Variants in INTS6L observed in about 807,000 individuals in gnomAD.
INTS6L encodes the protein integrator complex subunit 6-like.
In INTS6L, 18 loss-of-function variants were observed where a neutral mutation model predicts 64.7. That is an observed-to-expected ratio of 0.28 (90% CI 0.19 to 0.41). The LOEUF (loss-of-function observed/expected upper bound fraction) is 0.41. Among genes scored for constraint, INTS6L ranks in the 10% least tolerant of loss-of-function variants. INTS6L has a pLI of 1.00. For missense variants in INTS6L, 533 were observed against 661.0 expected (o/e 0.81, Z 2.12); for synonymous variants, 227 against 235.9 (o/e 0.96, Z 0.34).
intron 2 of INTS6L, among the ~76,000 whole-genome samples, chrX:135,541,802 A>T (rs2086226016): frequency 8.9e-6 from 1 of 112,457 alleles, no homozygotes; most frequent in South Asian, 3.7e-4. Context: ...TTTAAAAGAA[A>T]AACCCATATT....
chrX:135,576,327 CAAAAAA>C (rs34207940), intron 14 of INTS6L, among the ~76,000 whole-genome samples: 1 of 69,402 alleles, frequency 1.4e-5, no homozygotes, highest in Non-Finnish European at 2.6e-5. Flanking sequence ...GACTCCATCT[CAAAAAA>C]AAAAAAAAAA....
chrX:135,558,192 G>A (rs1556520269), intron 9 of INTS6L, among the ~76,000 whole-genome samples: 1 of 111,851 alleles, frequency 8.9e-6, no homozygotes, highest in Non-Finnish European at 1.9e-5. Flanking sequence ...GAATTCTTGT[G>A]CACTCTTAGG....
intron 15 of INTS6L, among the ~76,000 whole-genome samples, chrX:135,579,480 C>T (rs782755342): frequency 8.9e-6 from 1 of 111,924 alleles, no homozygotes; most frequent in South Asian, 3.8e-4. Flanking sequence ...TAAAGTGAGA[C>T]TTGCTGTTTT....
chrX:135,581,905 A>G lies in INTS6L; in HGVS notation c.*269A>G, dbSNP rs189184499. On this transcript the variant is annotated 3_prime_UTR_variant, in exon 18 of 18. Transcript: ENST00000639893. ...TCACAGGCTAAATTCGGTAAACACC[A>G]CTGCCCCTACCACGGGTAATGAGAG... The G allele has an allele frequency of 3.9e-6, 1 of 255,028 alleles. No homozygotes were observed. The highest frequency in any genetic ancestry group is 6.8e-6 in the Non-Finnish European group (1 of 146,435). 21.0% of individuals were successfully genotyped at this position (255,028 alleles called of 1,213,427 possible).
chrX:135,574,084 T>C (rs782631210), intron 13 of INTS6L, 22 bp downstream of exon 13: 1 of 660,208 alleles, frequency 1.5e-6, no homozygotes, highest in Non-Finnish European at 2.1e-6. Flanking sequence ...GTGAAATACT[T>C]TTTTTTTTTT....
intron 2 of INTS6L, among the ~76,000 whole-genome samples, chrX:135,531,757 G>A (rs1313855348): frequency 2.7e-5 from 3 of 111,484 alleles, no homozygotes; most frequent in African/African-American, 9.8e-5. Context: ...TCTGTTCCAC[G>A]TGTCGGTAAA....
At chrX:135,552,821 T>C (rs1223956895) in intron 8 of INTS6L, among the ~76,000 whole-genome samples, 5 of 112,395 alleles carry the variant, frequency 4.4e-5, no homozygotes, top group Admixed American at 9.4e-5. Context: ...AACAAAAATG[T>C]CCTACACTGT....
rs1272260307 is a variant in INTS6L, at chrX:135,520,903, T to C, written c.-90T>C. The C allele has an allele frequency of 9.3e-6, 9 of 971,577 alleles. No homozygotes were observed. The African/African-American group carries it at 1.5e-4, about 16-fold the overall frequency. 80.1% of individuals were successfully genotyped at this position (971,577 alleles called of 1,213,427 possible). A position where few individuals can be genotyped will look rare whatever the true frequency, so the allele number is the denominator to read the frequency against. ...CCTCTTGCTCCTTGCTCCCCGGCTC[T>C]GCGAGAGTTGAGGGTTCAGGTGGCC... On this transcript the variant is annotated 5_prime_UTR_variant, in exon 1 of 18. Coordinates refer to ENST00000639893, the MANE Select transcript of INTS6L (RefSeq NM_001351601.3).
chrX:135,575,028 G>T lies in INTS6L; in HGVS notation c.1742-56G>T, dbSNP rs782420162. 4.3e-6 allele frequency: 5 copies of T among 1,171,268 alleles called. No individual in the cohort carries two copies. In the East Asian group the frequency reaches 1.5e-4, roughly 35 times the overall value. On this transcript the variant is annotated intron_variant, in intron 13 of 17. Coordinates refer to ENST00000639893, the MANE Select transcript of INTS6L (RefSeq NM_001351601.3). ...AACCAAACTATGATCATGTCTTCTC[G>T]AAAGGACCATACGCTTCAGCTATAA...
At chrX:135,522,673 G>C (rs150648729) in intron 2 of INTS6L, among the ~76,000 whole-genome samples, 311 of 112,039 alleles carry the variant, frequency 2.8e-3, no homozygotes, top group African/African-American at 9.6e-3. Context: ...AACCTACCAA[G>C]CTGAATAGTT....
chrX:135,549,218 A>G (rs1510594), intron 6 of INTS6L, among the ~76,000 whole-genome samples: 9,596 of 112,028 alleles, frequency 0.086, 665 homozygotes, highest in African/African-American at 0.23. Flanking sequence ...TTTATGATCT[A>G]TTTTTATCAG....
Position 135,579,872 on chromosome X carries a change from C to A in INTS6L, c.2204C>A (p.Pro735Gln). Reference sequence around the variant, plus strand: ...GATGGCTTCCTGTCAAAATCTGCTCCATCAGAGCTTATAAATATGACAGGA... The same window carrying A: ...GATGGCTTCCTGTCAAAATCTGCTCAATCAGAGCTTATAAATATGACAGGA... ...TPDGFLSKSA[P>Q]SELINMTGDL... Residue 735 changes from proline to glutamine, a missense_variant, in exon 16 of 18, where the codon CCA (proline) becomes CAA (glutamine). Pro to Gln is a moderately conservative substitution (Grantham distance 76). Transcript: ENST00000639893. 2 of 1,211,326 alleles carry A rather than the reference C, an allele frequency of 1.7e-6. No homozygotes were observed. The highest frequency in any genetic ancestry group is 2.2e-6 in the Non-Finnish European group (2 of 895,274).
intron 2 of INTS6L, among the ~76,000 whole-genome samples, chrX:135,528,922 T>C (rs2085827489): frequency 1.2e-5 from 1 of 83,805 alleles, no homozygotes; most frequent in African/African-American, 4.8e-5. Flanking sequence ...AAGGTTATCA[T>C]ACAGTTCAGA....
intron 8 of INTS6L, 128 bp downstream of exon 8, chrX:135,552,274 C>A: frequency 1.3e-6 from 1 of 762,019 alleles, no homozygotes; most frequent in Non-Finnish European, 1.8e-6. Flanking sequence ...CTCATGAATG[C>A]TGTCAAATAA....
At chrX:135,551,446 A>T (rs982842818) in intron 7 of INTS6L, among the ~76,000 whole-genome samples, 1 of 112,285 alleles carries the variant, frequency 8.9e-6, no homozygotes, top group Non-Finnish European at 1.9e-5. Context: ...GCAAAAATCC[A>T]TCTGGGCCCT....
In INTS6L at chrX:135,521,051, T is replaced by G; in HGVS notation, c.59T>G (p.Leu20Arg). Residue 20 changes from leucine (L) to arginine (R), a missense_variant, in exon 1 of 18, where the codon CTG (leucine) becomes CGG (arginine). By Grantham distance (102) the Leu-to-Arg change is moderately radical. Transcript: ENST00000639893. ...TSASMNQRTD[L>R]GTSYLDIAKG... is the part of the protein sequence containing the mutation. ...GCCTCTATGAACCAGCGCACTGACC[T>G]GGGCACCTCTTATTTGGACATTGCC... 1 of 1,211,414 alleles carries G rather than the reference T, an allele frequency of 8.3e-7. No individual in the cohort carries two copies. Among genetic ancestry groups the G allele is most frequent in the East Asian group, 3.0e-5 (1 of 33,796 alleles).
At position 135,581,686 on chromosome X, in the gene INTS6L, G is replaced by T; in HGVS notation, c.*50G>T. The T allele has an allele frequency of 9.4e-7, 1 of 1,058,797 alleles. No homozygotes were observed. The highest frequency in any genetic ancestry group is 2.0e-5 in the South Asian group (1 of 50,689). 87.3% of individuals were successfully genotyped at this position (1,058,797 alleles called of 1,213,427 possible). On this transcript the variant is annotated 3_prime_UTR_variant, in exon 18 of 18. Transcript: ENST00000639893. The stretch of plus-strand genomic sequence containing the variant: ...GACAAGTTTTCTGTGCTGTAGGATG[G>T]AACAGGATATTGTTGAAGCCTCCTG...
intron 9 of INTS6L, among the ~76,000 whole-genome samples, chrX:135,556,801 T>C (rs2086657493): frequency 8.9e-6 from 1 of 112,090 alleles, no homozygotes; most frequent in African/African-American, 3.2e-5. Flanking sequence ...CTCAAGAAGC[T>C]GTTACTCAGA....
Position 135,546,713 on chromosome X carries a change from T to C in INTS6L, c.441T>C (p.Pro147=). The change falls in exon 5 of 18, where the codon CCT becomes CCC. Residue 147 remains proline, a synonymous_variant. Transcript: ENST00000639893. The part of the protein sequence containing the change: ...TAGVQEELHL[P]LNSPLPGSEL... ...TTTTGCCTTATCAGCTCCATCTTCCTTTGAATTCCCCTCTGCCTGGAAGTG... is the reference window on the plus strand; with the variant it reads ...TTTTGCCTTATCAGCTCCATCTTCCCTTGAATTCCCCTCTGCCTGGAAGTG... The C allele has an allele frequency of 8.3e-7, 1 of 1,206,179 alleles. No homozygotes were observed. The highest frequency in any genetic ancestry group is 2.3e-4 in the Middle Eastern group (1 of 4,330).
Sources: allele counts gnomAD v4.1 joint callset (sites outside exome capture counted in the v4.1 genomes callset), GRCh38; gene constraint gnomAD v4.1.1; transcripts MANE v1.5; gene names NCBI Gene and HGNC (gene_info 2026-07-23, HGNC 2026-07-21).